The following GPHN variants were observed in gnomAD, a reference collection of about 807,000 sequenced individuals.
GPHN encodes the protein gephyrin.
A neutral mutation model predicts 95.5 loss-of-function variants in GPHN; 17 were observed. That is an observed-to-expected ratio of 0.18 (90% CI 0.12 to 0.27). The LOEUF is 0.27. GPHN is among the 10% of genes least tolerant of loss of function. The pLI is 1.00. For missense variants in GPHN, 660 were observed against 978.1 expected (o/e 0.67, Z 4.34); for synonymous variants, 320 against 322.5 (o/e 0.99, Z 0.08).
intron 1 of GPHN, among the ~76,000 whole-genome samples, chr14:66,543,905 A>G (rs2059440374): frequency 1.3e-5 from 2 of 152,148 alleles, no homozygotes; most frequent in Non-Finnish European, 2.9e-5. Context: ...GTCTTTTCCA[A>G]ACAGCCTGAG....
chr14:67,322,996 G>A, the GPHN span, among the ~76,000 whole-genome samples: 1 of 152,068 alleles, frequency 6.6e-6, no homozygotes, highest in African/African-American at 2.4e-5. Flanking sequence ...TATATTTAGT[G>A]TCTGGCACAT....
At chr14:66,665,911 C>T (rs922295794) in intron 1 of GPHN, among the ~76,000 whole-genome samples, 3 of 152,136 alleles carry the variant, frequency 2.0e-5, no homozygotes, top group African/African-American at 4.8e-5. Flanking sequence ...TCATGGAATA[C>T]TATGCAGCCA....
chr14:66,820,317 G>A (rs1334860579), intron 3 of GPHN, among the ~76,000 whole-genome samples: 1 of 152,118 alleles, frequency 6.6e-6, no homozygotes, highest in East Asian at 1.9e-4. Context: ...GACTGTATCA[G>A]ATCTGGAACT....
intron 8 of GPHN, among the ~76,000 whole-genome samples, chr14:66,961,949 C>CAT (rs1440485633): frequency 6.1e-5 from 2 of 32,910 alleles, no homozygotes; most frequent in Admixed American, 3.9e-4. Context: ...TATATATATA[C>CAT]ACATATCTCC....
At chr14:66,631,992 C>T (rs2063832510) in intron 1 of GPHN, among the ~76,000 whole-genome samples, 1 of 152,152 alleles carries the variant, frequency 6.6e-6, no homozygotes, top group South Asian at 2.1e-4. Context: ...AATCCAACTA[C>T]CCTACCTAAT....
rs560217642 is a variant in GPHN, at chr14:67,028,532, GT to G, written c.1006+4862del. On this transcript the variant is annotated intron_variant, in intron 10 of 22. Coordinates refer to ENST00000478722, the MANE Select transcript of GPHN (RefSeq NM_020806.5). Reference sequence around the variant, plus strand: ...TCCACATCCTTACCAGTATGTGTTAGTTTTTGTTTTTTTATAGTAGCCATTC... The same window carrying G: ...TCCACATCCTTACCAGTATGTGTTAGTTTTGTTTTTTTATAGTAGCCATTC... 1.2e-4 allele frequency among the ~76,000 whole-genome samples: 18 copies of G among 151,926 alleles called. 1 individual carries two copies. In the East Asian group the frequency reaches 3.5e-3, roughly 29 times the overall value.
intron 5 of GPHN, among the ~76,000 whole-genome samples, chr14:66,895,607 A>C (rs1396082292): frequency 6.6e-6 from 1 of 152,216 alleles, no homozygotes; most frequent in African/African-American, 2.4e-5. Flanking sequence ...ATACTAGAAT[A>C]ATACTTTCAA....
At chr14:66,538,827 T>C (rs1481461900) in intron 1 of GPHN, among the ~76,000 whole-genome samples, 7 of 151,704 alleles carry the variant, frequency 4.6e-5, no homozygotes, top group African/African-American at 1.7e-4. Flanking sequence ...ATACAATATA[T>C]GTTTTGAAAT....
the GPHN span, chr14:67,199,011 G>A: frequency 1.4e-6 from 1 of 709,202 alleles, no homozygotes; most frequent in South Asian, 1.5e-5. Flanking sequence ...GACAAGGGAG[G>A]ACAACAGACA....
At chr14:67,409,778 T>C in the GPHN span, among the ~76,000 whole-genome samples, 2 of 152,210 alleles carry the variant, frequency 1.3e-5, no homozygotes, top group African/African-American at 4.8e-5. Context: ...GCCCCACCTC[T>C]GAGCTCTTAA....
chr14:66,693,947 G>A (rs1357375433), intron 2 of GPHN, among the ~76,000 whole-genome samples: 2 of 152,162 alleles, frequency 1.3e-5, no homozygotes, highest in African/African-American at 4.8e-5. Context: ...ACAGCTTCAA[G>A]ATTTATTATA....
intron 2 of GPHN, among the ~76,000 whole-genome samples, chr14:66,770,606 A>G (rs947993074): frequency 3.9e-5 from 6 of 152,160 alleles, no homozygotes; most frequent in Non-Finnish European, 8.8e-5. Flanking sequence ...CTTTAGTAGT[A>G]ACTAAAATGT....
chr14:67,616,587 C>T, the GPHN span: 1 of 151,258 alleles, frequency 6.6e-6, no homozygotes, highest in East Asian at 1.9e-4. Context: ...TAAACTATTT[C>T]AGACATGGAA....
chr14:67,045,536 T>C (rs115011170), intron 10 of GPHN, among the ~76,000 whole-genome samples: 2 of 151,916 alleles, frequency 1.3e-5, no homozygotes, highest in Non-Finnish European at 2.9e-5. Context: ...TGTATTTGTC[T>C]CTCTGTGTGT....
At chr14:67,068,769 T>C (rs569359410) in intron 11 of GPHN, among the ~76,000 whole-genome samples, 1 of 152,210 alleles carries the variant, frequency 6.6e-6, no homozygotes, top group Non-Finnish European at 1.5e-5. Context: ...CTGTTGGAAG[T>C]AAGTTTGGAG....
intron 10 of GPHN, among the ~76,000 whole-genome samples, chr14:67,029,634 G>A (rs2074093181): frequency 6.6e-6 from 1 of 152,206 alleles, no homozygotes; most frequent in South Asian, 2.1e-4. Flanking sequence ...ACTGCGCCCA[G>A]CCTTATCATT....
At chr14:67,662,343 G>A in the GPHN span, 1 of 786,698 alleles carries the variant, frequency 1.3e-6, no homozygotes, top group Non-Finnish European at 2.1e-6. Flanking sequence ...CCCATCAACT[G>A]GCTTCATTTA....
intron 1 of GPHN, among the ~76,000 whole-genome samples, chr14:66,555,680 T>G (rs2059983735): frequency 6.6e-6 from 1 of 152,130 alleles, no homozygotes; most frequent in African/African-American, 2.4e-5. Flanking sequence ...TAGGTTTGTC[T>G]TAGTGTTTGG....
chr14:67,065,017 A>C (rs112035648), intron 11 of GPHN, among the ~76,000 whole-genome samples: 4,170 of 151,868 alleles, frequency 0.027, 79 homozygotes, highest in Non-Finnish European at 0.036. Context: ...TCTTTTAATT[A>C]TGATGTTAGG....
Sources: gnomAD v4.1 joint callset for allele counts (sites outside exome capture counted in the v4.1 genomes callset) on GRCh38, gnomAD v4.1.1 for gene constraint, MANE v1.5 for transcripts, NCBI Gene and HGNC (gene_info 2026-07-23, HGNC 2026-07-21) for gene names.